AGMO: variants seen among roughly 807,000 people sequenced by gnomAD.
The protein encoded by AGMO is glyceryl-ether monooxygenase.
In AGMO, 75 loss-of-function variants were observed where a neutral mutation model predicts 60.2. The observed-to-expected ratio is 1.25, with a 90% CI of 1.03 to 1.51. AGMO has a LOEUF of 1.51. AGMO is among the 40% of genes most tolerant of loss of function. The pLI is 0.00. For missense variants in AGMO, 763 were observed against 525.5 expected (o/e 1.45, Z -4.42); for synonymous variants, 261 against 177.1 (o/e 1.47, Z -3.76).
At chr7:15,153,223 T>C in the AGMO span, among the ~76,000 whole-genome samples, 2 of 152,278 alleles carry the variant, frequency 1.3e-5, no homozygotes, top group African/African-American at 2.4e-5. Flanking sequence ...TTTAAACTCT[T>C]TGTAGATTGT....
intron 12 of AGMO, among the ~76,000 whole-genome samples, chr7:15,355,319 G>A (rs902673038): frequency 1.3e-4 from 19 of 151,808 alleles, no homozygotes; most frequent in African/African-American, 4.4e-4. Flanking sequence ...TGGCTAACAC[G>A]GTGAAACGCT....
At position 15,506,490 on chromosome 7, in the gene AGMO, C is replaced by A. The variant is rs190865744; in HGVS notation, c.409+38282G>T. On this transcript the variant is annotated intron_variant, in intron 3 of 12. Coordinates refer to ENST00000342526, the MANE Select transcript of AGMO (RefSeq NM_001004320.2). ...ATACATCGGCATTATTCCTGGAGGA[C>A]AATTACTCCCTGATAGATAACTATT... 7.7e-3 allele frequency among the ~76,000 whole-genome samples: 1,178 copies of A among 152,092 alleles called. 10 individuals are homozygous for A. Among genetic ancestry groups the A allele is most frequent in the Non-Finnish European group, 0.011 (764 of 67,952 alleles).
intron 4 of AGMO, among the ~76,000 whole-genome samples, chr7:15,426,696 C>A (rs1298571866): frequency 6.6e-6 from 1 of 151,926 alleles, no homozygotes; most frequent in African/African-American, 2.4e-5. Flanking sequence ...TTGCAGTGGG[C>A]TGAGACACAC....
chr7:15,160,068 C>T, the AGMO span, among the ~76,000 whole-genome samples: 1 of 152,158 alleles, frequency 6.6e-6, no homozygotes, highest in African/African-American at 2.4e-5. Context: ...GGAGCTGAGC[C>T]AAATCCCAAA....
intron 12 of AGMO, among the ~76,000 whole-genome samples, chr7:15,243,863 C>A (rs963412747): frequency 2.0e-5 from 3 of 152,090 alleles, no homozygotes; most frequent in Non-Finnish European, 4.4e-5. Context: ...ATACTCTAGG[C>A]AACTACTTGA....
intron 12 of AGMO, among the ~76,000 whole-genome samples, chr7:15,274,077 A>G (rs1202309893): frequency 6.6e-6 from 1 of 152,176 alleles, no homozygotes; most frequent in African/African-American, 2.4e-5. Context: ...AACAGGGACT[A>G]TTTGACTTCC....
At chr7:15,300,534 A>G (rs193183106) in intron 12 of AGMO, among the ~76,000 whole-genome samples, 3 of 152,346 alleles carry the variant, frequency 2.0e-5, no homozygotes, top group East Asian at 1.9e-4. Context: ...TGCTTGCTAC[A>G]GTTATTTTAA....
At chr7:15,239,518 T>A (rs1266160173) in intron 12 of AGMO, among the ~76,000 whole-genome samples, 2 of 152,162 alleles carry the variant, frequency 1.3e-5, no homozygotes, top group Non-Finnish European at 2.9e-5. Context: ...GTCTTCAATG[T>A]CCAACAGTGT....
At chr7:15,343,872 T>TAA (rs1433667909) in intron 12 of AGMO, among the ~76,000 whole-genome samples, 3 of 152,190 alleles carry the variant, frequency 2.0e-5, no homozygotes, top group African/African-American at 4.8e-5. Context: ...TAGTATGTCT[T>TAA]AAGCAAGCAT....
chr7:15,547,341 G>A (rs1439046745), intron 2 of AGMO, among the ~76,000 whole-genome samples: 11 of 152,084 alleles, frequency 7.2e-5, no homozygotes, highest in Admixed American at 5.9e-4. Context: ...GAACAGCTCC[G>A]GTCTACAGCT....
chr7:15,275,186 C>T (rs957781753), intron 12 of AGMO, among the ~76,000 whole-genome samples: 7 of 152,054 alleles, frequency 4.6e-5, no homozygotes, highest in Admixed American at 3.9e-4. Context: ...GCATTTAACA[C>T]AATAACCTTT....
intron 2 of AGMO, among the ~76,000 whole-genome samples, chr7:15,557,472 G>C (rs552836024): frequency 3.3e-4 from 50 of 151,940 alleles, no homozygotes; most frequent in African/African-American, 1.1e-3. Flanking sequence ...TTGATGCTGT[G>C]GCTTCAACTG....
intron 12 of AGMO, among the ~76,000 whole-genome samples, chr7:15,221,002 G>C (rs1781903187): frequency 6.6e-6 from 1 of 152,096 alleles, no homozygotes; most frequent in African/African-American, 2.4e-5. Flanking sequence ...TGGAAGACTA[G>C]GAAAATACAA....
intron 12 of AGMO, among the ~76,000 whole-genome samples, chr7:15,314,816 C>G (rs111545533): frequency 8.4e-4 from 127 of 152,066 alleles, no homozygotes; most frequent in African/African-American, 2.9e-3. Context: ...TACACCCAAT[C>G]TTATCAACTG....
At chr7:15,498,106 T>A (rs1246508118) in intron 3 of AGMO, among the ~76,000 whole-genome samples, 1 of 151,998 alleles carries the variant, frequency 6.6e-6, no homozygotes, top group Admixed American at 6.6e-5. Flanking sequence ...AGCTTATAAC[T>A]TACAATAAGG....
At chr7:15,263,158 G>A (rs1201390029) in intron 12 of AGMO, among the ~76,000 whole-genome samples, 1 of 151,994 alleles carries the variant, frequency 6.6e-6, no homozygotes, top group East Asian at 1.9e-4. Flanking sequence ...AAGTTTGGGA[G>A]AAAATCTTCA....
At chr7:15,323,670 G>A (rs1240908294) in intron 12 of AGMO, among the ~76,000 whole-genome samples, 1 of 152,148 alleles carries the variant, frequency 6.6e-6, no homozygotes, top group Non-Finnish European at 1.5e-5. Context: ...AGCTTGCAGT[G>A]CATGACTTTT....
At chr7:15,119,600 T>C in the AGMO span, among the ~76,000 whole-genome samples, 1 of 152,160 alleles carries the variant, frequency 6.6e-6, no homozygotes, top group Non-Finnish European at 1.5e-5. Flanking sequence ...ATCCAATGTA[T>C]TAATCCCTTC....
At chr7:15,198,132 G>T (rs1583284599), downstream of AGMO, among the ~76,000 whole-genome samples, 1 of 150,894 alleles carries the variant, frequency 6.6e-6, no homozygotes, top group East Asian at 2.0e-4. Flanking sequence ...GATTTGCAAA[G>T]TCAGTTTGCA....
Sources: allele counts gnomAD v4.1 joint callset (sites outside exome capture counted in the v4.1 genomes callset), GRCh38; gene constraint gnomAD v4.1.1; transcripts MANE v1.5; gene names NCBI Gene and HGNC (gene_info 2026-07-23, HGNC 2026-07-21).